Variants in LZTS1 observed in about 807,000 individuals in gnomAD.
LZTS1 encodes the protein leucine zipper putative tumor suppressor 1.
A neutral mutation model predicts 45.8 loss-of-function variants in LZTS1; 31 were observed. That is an observed-to-expected ratio of 0.68 (90% CI 0.51 to 0.91). The LOEUF is 0.91. Among genes scored for constraint, LZTS1 ranks in the 40% least tolerant of loss-of-function variants. The pLI is 0.00. For synonymous variants in LZTS1, 359 were observed against 357.3 expected, an observed-to-expected ratio of 1.00 and a Z score of -0.05; for missense variants, 821 against 788.9, an observed-to-expected ratio of 1.04 and a Z score of -0.49.
intron 1 of LZTS1, among the ~76,000 whole-genome samples, chr8:20,300,378 A>G (rs1801054165): frequency 1.3e-5 from 2 of 151,674 alleles, no homozygotes; most frequent in South Asian, 4.2e-4. Context: ...TGTTGCCCAG[A>G]CTGGAGTGCA....
At chr8:20,284,013 T>C (rs529833528) in intron 1 of LZTS1, among the ~76,000 whole-genome samples, 1 of 152,308 alleles carries the variant, frequency 6.6e-6, no homozygotes, top group South Asian at 2.1e-4. Context: ...CCCCTCTTTC[T>C]TGATGGTGGA....
At chr8:20,261,988 C>T (rs1800242354) in intron 1 of LZTS1, among the ~76,000 whole-genome samples, 1 of 152,238 alleles carries the variant, frequency 6.6e-6, no homozygotes, top group Non-Finnish European at 1.5e-5. Context: ...ACACCTCCTC[C>T]CCTAAGCTGC....
chr8:20,271,719 C>G (rs1398957614), intron 1 of LZTS1, among the ~76,000 whole-genome samples: 1 of 152,246 alleles, frequency 6.6e-6, no homozygotes, highest in Non-Finnish European at 1.5e-5. Flanking sequence ...GCGCCTCTCC[C>G]TCCCCCTTGC....
chr8:20,262,537 G>A (rs1490828285), intron 1 of LZTS1, among the ~76,000 whole-genome samples: 5 of 152,134 alleles, frequency 3.3e-5, no homozygotes, highest in African/African-American at 1.2e-4. Flanking sequence ...CTGAGAAGAT[G>A]ACATTCGAGA....
At chr8:20,285,372 GC>G (rs1211648372) in intron 1 of LZTS1, among the ~76,000 whole-genome samples, 14 of 152,158 alleles carry the variant, frequency 9.2e-5, no homozygotes, top group African/African-American at 3.1e-4. Context: ...TGTCTCTGGG[GC>G]TTATCCATAA....
chr8:20,255,109 G>C lies in LZTS1; in HGVS notation c.73C>G (p.Leu25Val). Residue 25 changes from leucine (L) to valine (V), a missense_variant, in exon 2 of 4, where the codon CTG becomes GTG. Leu to Val is a conservative substitution (Grantham distance 32). Transcript: ENST00000381569. Reference sequence around the variant, plus strand: ...TTCTTGAGGTGGGAGGACTTGCGCAGCTTGTACTGCGAAGCCCGGCAGTGC... The same window carrying C: ...TTCTTGAGGTGGGAGGACTTGCGCACCTTGTACTGCGAAGCCCGGCAGTGC... ...SKHCRASQYKLRKSSHLKKLN... is the reference protein window; with the variant it reads ...SKHCRASQYKVRKSSHLKKLN... 2 of 1,614,220 alleles carry C rather than the reference G, an allele frequency of 1.2e-6. No individual in the cohort carries two copies. Among genetic ancestry groups the C allele is most frequent in the Non-Finnish European group, 1.7e-6 (2 of 1,180,048 alleles).
intron 1 of LZTS1, among the ~76,000 whole-genome samples, chr8:20,279,758 G>A (rs1800652239): frequency 6.6e-6 from 1 of 151,272 alleles, no homozygotes; most frequent in Non-Finnish European, 1.5e-5. Flanking sequence ...AGGCCAAAGT[G>A]AGCAGATCGC....
intron 1 of LZTS1, among the ~76,000 whole-genome samples, chr8:20,266,917 G>C (rs1047210355): frequency 3.3e-5 from 5 of 151,942 alleles, no homozygotes; most frequent in Non-Finnish European, 5.9e-5. Flanking sequence ...AGACCAGCCT[G>C]GGCAACATGG....
intron 1 of LZTS1, among the ~76,000 whole-genome samples, chr8:20,265,473 C>G (rs1800334143): frequency 6.6e-6 from 1 of 151,734 alleles, no homozygotes; most frequent in African/African-American, 2.4e-5. Flanking sequence ...CGAGACCAGC[C>G]TGGGAAACAC....
intron 1 of LZTS1, chr8:20,290,033 A>T (rs1800872950): frequency 1.3e-5 from 2 of 152,228 alleles, no homozygotes; most frequent in African/African-American, 2.4e-5. Context: ...TCCTAGAACC[A>T]GACAGCTCTC....
chr8:20,265,139 T>A (rs1395961549), intron 1 of LZTS1, among the ~76,000 whole-genome samples: 2 of 152,100 alleles, frequency 1.3e-5, no homozygotes, highest in African/African-American at 4.8e-5. Context: ...CGGGCAGGGA[T>A]CAGAGTTCTG....
intron 1 of LZTS1, among the ~76,000 whole-genome samples, chr8:20,260,425 G>T (rs769074317): frequency 6.6e-6 from 1 of 152,190 alleles, no homozygotes; most frequent in African/African-American, 2.4e-5. Context: ...GTGGGATGCC[G>T]TGGCCCTGGC....
Position 20,249,966 on chromosome 8 carries a change from T to C in LZTS1, c.1547A>G (p.Gln516Arg). 6.2e-7 allele frequency: 1 copy of C among 1,613,998 alleles called. No individual in the cohort carries two copies. Among genetic ancestry groups the C allele is most frequent in the Non-Finnish European group, 8.5e-7 (1 of 1,179,944 alleles). Reference sequence around the variant, plus strand: ...GCCCGAGGACATCTGGTCATGGCCTTGCCGCTCCTCCCGCAGCTCGGCCCG... The same window carrying C: ...GCCCGAGGACATCTGGTCATGGCCTCGCCGCTCCTCCCGCAGCTCGGCCCG... Reference protein sequence around the residue: ...RLRAELREERQGHDQMSSGFQ... With the variant: ...RLRAELREERRGHDQMSSGFQ... Residue 516 changes from glutamine to arginine, a missense_variant, in exon 4 of 4, where the codon CAA becomes CGA. Physicochemically the swap from Gln to Arg is conservative, Grantham distance 43. Coordinates refer to ENST00000381569, the MANE Select transcript of LZTS1 (RefSeq NM_021020.5).
At chr8:20,267,941 CA>C (rs1319399352) in intron 1 of LZTS1, among the ~76,000 whole-genome samples, 2 of 152,186 alleles carry the variant, frequency 1.3e-5, no homozygotes, top group Admixed American at 6.5e-5. Context: ...TCCATTTCCT[CA>C]TGTGTCAGAT....
chr8:20,256,821 GC>G (rs1250420421), intron 1 of LZTS1, among the ~76,000 whole-genome samples: 1 of 152,134 alleles, frequency 6.6e-6, no homozygotes, highest in Non-Finnish European at 1.5e-5. Flanking sequence ...GCTGCTGGGA[GC>G]TGCAGATGCA....
intron 1 of LZTS1, among the ~76,000 whole-genome samples, chr8:20,303,529 G>A (rs1801117791): frequency 1.3e-5 from 2 of 152,168 alleles, no homozygotes. Flanking sequence ...TCTGGGCCGG[G>A]CCGGAGAAGC....
At chr8:20,301,886 C>T (rs1801085728) in intron 1 of LZTS1, among the ~76,000 whole-genome samples, 1 of 152,128 alleles carries the variant, frequency 6.6e-6, no homozygotes, top group Non-Finnish European at 1.5e-5. Context: ...AGCACACAGC[C>T]GCTGCTATAA....
chr8:20,295,860 C>A (rs1041214581), intron 1 of LZTS1, among the ~76,000 whole-genome samples: 1 of 152,150 alleles, frequency 6.6e-6, no homozygotes, highest in African/African-American at 2.4e-5. Flanking sequence ...ATAATGCCCC[C>A]CCAATCCAGT....
At chr8:20,256,111 C>CAAGT (rs1485619019) in intron 1 of LZTS1, among the ~76,000 whole-genome samples, 1 of 143,168 alleles carries the variant, frequency 7.0e-6, no homozygotes, top group African/African-American at 2.6e-5. Flanking sequence ...AAATGAGGTG[C>CAAGT]AAGTCATATG....
Sources: allele counts gnomAD v4.1 joint callset (sites outside exome capture counted in the v4.1 genomes callset), GRCh38; gene constraint gnomAD v4.1.1; transcripts MANE v1.5; gene names NCBI Gene and HGNC (gene_info 2026-07-23, HGNC 2026-07-21).